TRHDE: variants seen among roughly 807,000 people sequenced by gnomAD.
The protein encoded by TRHDE is thyrotropin releasing hormone degrading enzyme, also known as thyrotropin-releasing hormone-degrading ectoenzyme.
A neutral mutation model predicts 125.7 loss-of-function variants in TRHDE; 72 were observed. The ratio of observed to expected loss-of-function variants is 0.57; its 90% confidence interval spans 0.47 to 0.70. The LOEUF is 0.70. TRHDE is among the 30% of genes least tolerant of loss of function. The pLI, the probability that TRHDE is intolerant of heterozygous loss-of-function variation, is 0.00. For missense variants in TRHDE, 1,110 were observed against 1,327.1 expected, an observed-to-expected ratio of 0.84 and a Z score of 2.54; for synonymous variants, 509 against 509.1, an observed-to-expected ratio of 1.00 and a Z score of 0.00.
intron 3 of TRHDE, among the ~76,000 whole-genome samples, chr12:72,432,724 A>C (rs146332003): frequency 6.6e-6 from 1 of 152,274 alleles, no homozygotes; most frequent in African/African-American, 2.4e-5. Flanking sequence ...CTTGGGTCAC[A>C]GTGGGGCATT....
intron 2 of TRHDE, among the ~76,000 whole-genome samples, chr12:72,314,169 A>T (rs1457522193): frequency 1.3e-5 from 2 of 152,192 alleles, no homozygotes; most frequent in Non-Finnish European, 2.9e-5. Flanking sequence ...CTTGACAAAA[A>T]TATCTGTTTT....
At chr12:72,388,847 G>T (rs1872529539) in intron 3 of TRHDE, among the ~76,000 whole-genome samples, 1 of 150,984 alleles carries the variant, frequency 6.6e-6, no homozygotes. Context: ...TTTTGTACCT[G>T]GGATGTTTTT....
chr12:72,597,726 T>C (rs1485986305), intron 12 of TRHDE, among the ~76,000 whole-genome samples: 257 of 6,798 alleles, frequency 0.038, 20 homozygotes, highest in African/African-American at 0.095. Flanking sequence ...TATATATATA[T>C]ATATATATAT....
At chr12:72,342,791 G>T (rs530631226) in intron 2 of TRHDE, among the ~76,000 whole-genome samples, 1 of 152,158 alleles carries the variant, frequency 6.6e-6, no homozygotes, top group East Asian at 1.9e-4. Context: ...AGGAACCTTG[G>T]ATGGAGCATT....
rs1377112380 is a variant in TRHDE, at chr12:72,663,669, T to TATTG, written c.*475_*478dup. Reference sequence around the variant, plus strand: ...CACAAAGATTATATATGACAATCAGTATTGCAATGAAAGAAAAACTAAAAA... The same window carrying TATTG: ...CACAAAGATTATATATGACAATCAGTATTGATTGCAATGAAAGAAAAACTAAAAA... On this transcript the variant is annotated 3_prime_UTR_variant, in exon 19 of 19. Coordinates refer to ENST00000261180, the MANE Select transcript of TRHDE (RefSeq NM_013381.3). The TATTG allele has an allele frequency of 1.3e-5, 2 of 152,618 alleles. No homozygotes were observed. The highest frequency in any genetic ancestry group is 4.8e-5 in the African/African-American group (2 of 41,450). The allele number at this position is 152,618 out of a possible 1,614,324, so 9.5% of individuals were successfully genotyped here.
At chr12:72,368,480 C>G (rs1037533850) in intron 2 of TRHDE, among the ~76,000 whole-genome samples, 1 of 152,104 alleles carries the variant, frequency 6.6e-6, no homozygotes, top group Non-Finnish European at 1.5e-5. Flanking sequence ...TCATGGGACT[C>G]TGACCTTGTT....
intron 2 of TRHDE, among the ~76,000 whole-genome samples, chr12:72,332,621 A>T (rs1869656701): frequency 6.6e-6 from 1 of 152,070 alleles, no homozygotes; most frequent in Admixed American, 6.5e-5. Flanking sequence ...AAACCATATC[A>T]CTTCTTTAAT....
At chr12:72,301,349 G>C (rs891979950) in intron 2 of TRHDE, among the ~76,000 whole-genome samples, 7 of 152,084 alleles carry the variant, frequency 4.6e-5, no homozygotes, top group Admixed American at 4.6e-4. Flanking sequence ...CATCAGAAGG[G>C]CCTCTGTGGG....
chr12:72,474,990 A>G (rs967149973), intron 5 of TRHDE, among the ~76,000 whole-genome samples: 3 of 152,192 alleles, frequency 2.0e-5, no homozygotes, highest in Non-Finnish European at 4.4e-5. Context: ...CAAATCTACA[A>G]GATAAGTTTA....
chr12:72,575,293 C>A lies in TRHDE; in HGVS notation c.2170C>A (p.Leu724Met). The change falls in exon 11 of 19, where the codon CTG becomes ATG. Residue 724 changes from leucine (L) to methionine (M), a missense_variant. Leu to Met is a conservative substitution (Grantham distance 15). This residue lies in a region of TRHDE where 527 missense variants were observed against 651.8 expected (regional missense o/e 0.81). Transcript: ENST00000261180. ...AACTTATTTGGACAAAGGAAGCTGGCTGCTGGGGAACATCAATCAAACTGG... is the reference window on the plus strand; with the variant it reads ...AACTTATTTGGACAAAGGAAGCTGGATGCTGGGGAACATCAATCAAACTGG... The part of the protein sequence containing the change: ...RITYLDKGSW[L>M]LGNINQTGYF... The A allele has an allele frequency of 6.2e-7, 1 of 1,613,460 alleles. No individual in the cohort carries two copies. Among genetic ancestry groups the A allele is most frequent in the Non-Finnish European group, 8.5e-7 (1 of 1,179,678 alleles).
Position 72,603,400 on chromosome 12 carries a change from G to T in TRHDE, c.2322-15491G>T, listed in dbSNP as rs944798435. Reference sequence around the variant, plus strand: ...GAAAGCAAAGGGAAAGAAGTGTGAAGATATAGGCAGAGTAAACTTTCTTAT... The same window carrying T: ...GAAAGCAAAGGGAAAGAAGTGTGAATATATAGGCAGAGTAAACTTTCTTAT... On this transcript the variant is annotated intron_variant, in intron 12 of 18. Coordinates refer to ENST00000261180, the MANE Select transcript of TRHDE (RefSeq NM_013381.3). Among the ~76,000 whole-genome samples the T allele has an allele frequency of 7.2e-5, 11 of 152,114 alleles. No individual in the cohort carries two copies. The South Asian group carries it at 2.1e-3, about 29-fold the overall frequency.
In TRHDE at chr12:72,272,728, G is replaced by GAGA. The variant is rs749074496; in HGVS notation, c.87_88insAAG (p.Glu29_Glu30insLys). 4,685 of 1,457,054 alleles carry GAGA rather than the reference G, an allele frequency of 3.2e-3. 147 individuals are homozygous for GAGA. In the African/African-American group the frequency reaches 0.06, roughly 19 times the overall value. 90.3% of individuals were successfully genotyped at this position (1,457,054 alleles called of 1,614,324 possible). On this transcript the variant is annotated inframe_insertion, in exon 1 of 19. Coordinates refer to ENST00000261180, the MANE Select transcript of TRHDE (RefSeq NM_013381.3). The surrounding 1 kb of genome is among the most constrained non-coding windows in gnomAD (Gnocchi z 6.7). ...GAAGAGGAAGAAGAAGAAGGAGGAG[G>GAGA]AGGAGGAGGAGGAGGGGGCCGAGAA...
intron 2 of TRHDE, among the ~76,000 whole-genome samples, chr12:72,164,276 G>A (rs1259489694): frequency 6.6e-6 from 1 of 152,176 alleles, no homozygotes; most frequent in Admixed American, 6.5e-5. Context: ...AGAATTTTAT[G>A]TAATGAAGGC....
intron 10 of TRHDE, among the ~76,000 whole-genome samples, chr12:72,571,957 G>A (rs989262470): frequency 6.0e-5 from 7 of 116,318 alleles, no homozygotes; most frequent in East Asian, 5.1e-4. Flanking sequence ...GCTTCCTACC[G>A]TTCCCCTGAC....
intron 3 of TRHDE, among the ~76,000 whole-genome samples, chr12:72,461,303 T>C (rs1172755126): frequency 6.6e-6 from 1 of 152,188 alleles, no homozygotes; most frequent in Non-Finnish European, 1.5e-5. Context: ...TATCTAAGGA[T>C]AGCAAAGTTT....
chr12:72,407,219 C>T (rs1276811295), intron 3 of TRHDE, among the ~76,000 whole-genome samples: 1 of 152,122 alleles, frequency 6.6e-6, no homozygotes, highest in Non-Finnish European at 1.5e-5. Flanking sequence ...AATGAGTCTC[C>T]TGCAGTTGGA....
At chr12:72,318,862 G>A (rs1447986225) in intron 2 of TRHDE, among the ~76,000 whole-genome samples, 6 of 152,070 alleles carry the variant, frequency 3.9e-5, no homozygotes, top group Non-Finnish European at 8.8e-5. Context: ...TTTTGTAATG[G>A]TTACTCTATC....
At chr12:72,315,720 C>G (rs1429066529) in intron 2 of TRHDE, among the ~76,000 whole-genome samples, 1 of 152,168 alleles carries the variant, frequency 6.6e-6, no homozygotes, top group South Asian at 2.1e-4. Flanking sequence ...TTTGGTTTAG[C>G]CTTGGGTCCT....
At chr12:72,613,626 T>G (rs1047383605) in intron 12 of TRHDE, among the ~76,000 whole-genome samples, 3 of 152,128 alleles carry the variant, frequency 2.0e-5, no homozygotes, top group Admixed American at 1.3e-4. Context: ...TTAAGGCCAG[T>G]GAGTTAGATA....
Sources: gnomAD v4.1 joint callset for allele counts (sites outside exome capture counted in the v4.1 genomes callset) on GRCh38, gnomAD v4.1.1 for gene constraint, gnomAD v4.1.1 regional missense constraint, Gnocchi (gnomAD v3.1) non-coding constraint, MANE v1.5 for transcripts, NCBI Gene and HGNC (gene_info 2026-07-23, HGNC 2026-07-21) for gene names.